WIPF1: variants seen among roughly 807,000 people sequenced by gnomAD.
WIPF1 encodes WAS/WASL interacting protein family member 1, also known as WAS/WASL-interacting protein family member 1.
Under a neutral mutation model 35.4 loss-of-function variants are expected in WIPF1, and 13 were observed. The ratio of observed to expected loss-of-function variants is 0.37; its 90% confidence interval spans 0.24 to 0.58. The LOEUF (loss-of-function observed/expected upper bound fraction) is 0.58. Ranked by LOEUF, WIPF1 falls within the 20% of genes least tolerant of loss-of-function variation. The pLI is 0.74. For missense variants in WIPF1, 591 were observed against 667.0 expected, an observed-to-expected ratio of 0.89 and a Z score of 1.25; for synonymous variants, 267 against 266.3, an observed-to-expected ratio of 1.00 and a Z score of -0.02.
chr2:174,634,684 T>G (rs1385293756), intron 1 of WIPF1: 1 of 152,274 alleles, frequency 6.6e-6, no homozygotes, highest in Non-Finnish European at 1.5e-5. Flanking sequence ...ATTTGCTGCT[T>G]GCTTCACATG....
At chr2:174,647,892 G>C (rs1046282579) in intron 1 of WIPF1, among the ~76,000 whole-genome samples, 1 of 152,208 alleles carries the variant, frequency 6.6e-6, no homozygotes, top group Admixed American at 6.5e-5. Flanking sequence ...AGATTAAAGA[G>C]ATAGGTTATT....
At position 174,561,175 on chromosome 2, in the gene WIPF1, C is replaced by T. The variant is rs1406489183; in HGVS notation, c.*1372G>A. ...GAGCTATATTTGCATAGATCCTAGA[C>T]AAATGATGCAAAACAAATTCCCTCC... On this transcript the variant is annotated 3_prime_UTR_variant, in exon 8 of 8. Coordinates refer to ENST00000679041, the MANE Select transcript of WIPF1 (RefSeq NM_001375834.1). 1.3e-5 allele frequency: 2 copies of T among 152,604 alleles called. No individual in the cohort carries two copies. The highest frequency in any genetic ancestry group is 4.8e-5 in the African/African-American group (2 of 41,444). The allele number at this position is 152,604 out of a possible 1,614,324, so 9.5% of individuals were successfully genotyped here. A position where few individuals can be genotyped will look rare whatever the true frequency, so the allele number is the denominator to read the frequency against.
At chr2:174,650,014 C>T (rs1687501062) in intron 1 of WIPF1, among the ~76,000 whole-genome samples, 1 of 152,152 alleles carries the variant, frequency 6.6e-6, no homozygotes, top group African/African-American at 2.4e-5. Context: ...AGTAGCCCCT[C>T]CAGTGTGTCA....
intron 1 of WIPF1, among the ~76,000 whole-genome samples, chr2:174,662,736 C>A (rs951879758): frequency 2.0e-5 from 3 of 152,182 alleles, no homozygotes; most frequent in African/African-American, 7.2e-5. Flanking sequence ...GAAGCTTCTA[C>A]ACAGGAGAAC....
intron 1 of WIPF1, among the ~76,000 whole-genome samples, chr2:174,588,311 C>T (rs913178176): frequency 4.6e-5 from 7 of 152,198 alleles, no homozygotes; most frequent in African/African-American, 1.4e-4. Context: ...TGTCTGACTC[C>T]ACGTTCACCG....
At chr2:174,574,797 G>C in intron 4 of WIPF1, 1 of 691,042 alleles carries the variant, frequency 1.4e-6, no homozygotes, top group Non-Finnish European at 2.7e-6. Flanking sequence ...GCTCCATCGT[G>C]TTTGAAAAGC....
chr2:174,593,808 T>A (rs1685708787), intron 1 of WIPF1, among the ~76,000 whole-genome samples: 1 of 152,252 alleles, frequency 6.6e-6, no homozygotes, highest in Admixed American at 6.5e-5. Flanking sequence ...CTGGCCATTT[T>A]AGAAACTTTC....
At position 174,616,085 on chromosome 2, in the gene WIPF1, C is replaced by A. The variant is rs1394919768; in HGVS notation, c.-38-30474G>T. Among the ~76,000 whole-genome samples, 3 of 151,996 alleles carry A rather than the reference C, an allele frequency of 2.0e-5. No homozygotes were observed. In the East Asian group the frequency reaches 5.8e-4, roughly 29 times the overall value. ...CTTGGAGGAAGTGGTGTGCTGATAC[C>A]ATGAAAAAAAATTCCCTCAAACACA... On this transcript the variant is annotated intron_variant, in intron 1 of 8. Transcript: ENST00000272746.
chr2:174,583,079 T>G (rs1016847799), intron 2 of WIPF1, among the ~76,000 whole-genome samples: 1 of 152,278 alleles, frequency 6.6e-6, no homozygotes, highest in African/African-American at 2.4e-5. Context: ...TACAAGCTGA[T>G]AGAAGGATAA....
intron 1 of WIPF1, among the ~76,000 whole-genome samples, chr2:174,645,970 A>C (rs1687400544): frequency 6.6e-6 from 1 of 152,238 alleles, no homozygotes; most frequent in African/African-American, 2.4e-5. Flanking sequence ...AGTTTTAAGA[A>C]GGCTCATAAA....
At chr2:174,636,113 T>C (rs950466795) in intron 1 of WIPF1, among the ~76,000 whole-genome samples, 1 of 152,194 alleles carries the variant, frequency 6.6e-6, no homozygotes, top group Non-Finnish European at 1.5e-5. Context: ...AGTCAGAAAT[T>C]GTAAGAACTT....
At chr2:174,617,739 C>T (rs1686553450) in intron 1 of WIPF1, among the ~76,000 whole-genome samples, 1 of 152,204 alleles carries the variant, frequency 6.6e-6, no homozygotes, top group Admixed American at 6.5e-5. Context: ...AAGGTCTCAC[C>T]CAGCCATAGT....
intron 1 of WIPF1, among the ~76,000 whole-genome samples, chr2:174,648,823 TA>T (rs1326971180): frequency 5.3e-5 from 8 of 152,166 alleles, no homozygotes; most frequent in South Asian, 2.1e-4. Flanking sequence ...TTTAGGGTTA[TA>T]AAAACAAAAA....
At chr2:174,669,866 A>G (rs900090325) in intron 1 of WIPF1, among the ~76,000 whole-genome samples, 3 of 152,234 alleles carry the variant, frequency 2.0e-5, no homozygotes, top group Admixed American at 6.5e-5. Flanking sequence ...ACAGCATGAA[A>G]CACTACTTTA....
chr2:174,612,748 C>A (rs1341611019), intron 1 of WIPF1, among the ~76,000 whole-genome samples: 1 of 151,626 alleles, frequency 6.6e-6, no homozygotes, highest in Non-Finnish European at 1.5e-5. Flanking sequence ...ATTAGTATAT[C>A]TTACTCCATT....
chr2:174,573,599 G>C (rs530241372), intron 4 of WIPF1, among the ~76,000 whole-genome samples: 1 of 152,348 alleles, frequency 6.6e-6, no homozygotes, highest in South Asian at 2.1e-4. Context: ...TGACAAGAAG[G>C]AGTCAGCCAC....
At chr2:174,681,266 C>G (rs1228598140) in intron 1 of WIPF1, among the ~76,000 whole-genome samples, 1 of 152,158 alleles carries the variant, frequency 6.6e-6, no homozygotes, top group African/African-American at 2.4e-5. Flanking sequence ...AATGGGCTCT[C>G]ACAGGTGGCT....
At chr2:174,576,528 C>A (rs567321564) in intron 3 of WIPF1, among the ~76,000 whole-genome samples, 1 of 152,094 alleles carries the variant, frequency 6.6e-6, no homozygotes, top group Admixed American at 6.6e-5. Flanking sequence ...TCATGAAGCC[C>A]AATAGTAGGC....
rs563047189 is a variant in WIPF1 at position 174,607,335 on chromosome 2, G to A, written c.-38-21724C>T. Among the ~76,000 whole-genome samples, 13 of 151,918 alleles carry A rather than the reference G, an allele frequency of 8.6e-5. No individual in the cohort carries two copies. In the South Asian group the frequency reaches 1.0e-3, roughly 12 times the overall value. ...GGAGAATGGAGTGAACCCAGGAGGC[G>A]GAGGTTGCAGTGAGCCGAGATCGCA... On this transcript the variant is annotated intron_variant, in intron 1 of 8. Coordinates refer to the WIPF1 transcript ENST00000272746.
Sources: allele counts gnomAD v4.1 joint callset (sites outside exome capture counted in the v4.1 genomes callset), GRCh38; gene constraint gnomAD v4.1.1; transcripts MANE v1.5; gene names NCBI Gene and HGNC (gene_info 2026-07-23, HGNC 2026-07-21).